Variants in BLZF1 observed in about 807,000 individuals in gnomAD.
BLZF1 encodes the protein golgin-45.
Under a neutral mutation model 43.8 loss-of-function variants are expected in BLZF1, and 39 were observed. The observed-to-expected ratio is 0.89, with a 90% CI of 0.69 to 1.16. BLZF1 has a LOEUF of 1.16. Ranked by LOEUF, BLZF1 falls within the 50% of genes most tolerant of loss-of-function variation. The pLI is 0.00. For synonymous variants in BLZF1, 136 were observed against 159.4 expected, an observed-to-expected ratio of 0.85 and a Z score of 1.11; for missense variants, 449 against 469.8, an observed-to-expected ratio of 0.96 and a Z score of 0.41.
chr1:169,368,215 A>T lies in BLZF1; in HGVS notation c.-178A>T, dbSNP rs1653969637. On this transcript the variant is annotated 5_prime_UTR_variant, in exon 1 of 7. Coordinates refer to ENST00000367808, the MANE Select transcript of BLZF1 (RefSeq NM_001320973.2). ...TGGTTAGGAGTGAGAGAGCTGCTGG[A>T]TATGCGGAGGGACTGGGCGGGTCGG... The T allele has an allele frequency of 5.7e-6, 1 of 174,292 alleles. No individual in the cohort carries two copies. Among genetic ancestry groups the T allele is most frequent in the South Asian group, 1.1e-4 (1 of 9,006 alleles). 10.8% of individuals were successfully genotyped at this position (174,292 alleles called of 1,614,324 possible).
chr1:169,383,315 T>C (rs1654578701), intron 6 of BLZF1, among the ~76,000 whole-genome samples: 2 of 152,292 alleles, frequency 1.3e-5, no homozygotes, highest in South Asian at 4.1e-4. Flanking sequence ...CTCCTAAGCA[T>C]ACCTCCCCTC....
chr1:169,395,000 C>A, intron 7 of BLZF1: 1 of 1,505,084 alleles, frequency 6.6e-7, no homozygotes, highest in Non-Finnish European at 9.0e-7. Context: ...GAAATCATAT[C>A]CAAAATTTTG....
At chr1:169,389,820 A>T (rs1382248043), downstream of BLZF1, among the ~76,000 whole-genome samples, 1 of 152,238 alleles carries the variant, frequency 6.6e-6, no homozygotes, top group Non-Finnish European at 1.5e-5. Flanking sequence ...TTAGAATATT[A>T]TACTAAGTGA....
intron 2 of BLZF1, among the ~76,000 whole-genome samples, chr1:169,370,952 A>T (rs936779521): frequency 1.3e-5 from 2 of 152,114 alleles, no homozygotes; most frequent in African/African-American, 4.8e-5. Flanking sequence ...TATTCTTTGG[A>T]TGGGTTGAGT....
At chr1:169,381,955 G>C in intron 5 of BLZF1, 107 bp from the exon 6 acceptor site, 1 of 873,038 alleles carries the variant, frequency 1.1e-6, no homozygotes, top group South Asian at 1.8e-5. Flanking sequence ...AGGGATCAGA[G>C]AAAGATGTTA....
chr1:169,388,210 AAAT>A lies in BLZF1; in HGVS notation c.*1038_*1040del, dbSNP rs960817879. 5 of 152,202 alleles carry A rather than the reference AAAT, an allele frequency of 3.3e-5. No homozygotes were observed. The highest frequency in any genetic ancestry group is 7.4e-5 in the Non-Finnish European group (5 of 68,026). The allele number at this position is 152,202 out of a possible 1,614,324, so 9.4% of individuals were successfully genotyped here. ...AAATCTTCAAAAGACAAACCTGGTC[AAAT>A]AATAATAATTTTAATGTCAATGATT... On this transcript the variant is annotated 3_prime_UTR_variant, in exon 7 of 7. Coordinates refer to ENST00000367808, the MANE Select transcript of BLZF1 (RefSeq NM_001320973.2).
At chr1:169,374,610 T>G (rs374014114) in intron 2 of BLZF1, among the ~76,000 whole-genome samples, 6 of 152,236 alleles carry the variant, frequency 3.9e-5, no homozygotes, top group African/African-American at 1.4e-4. Context: ...TCCTGTCTAA[T>G]TAACATAACT....
downstream of BLZF1, among the ~76,000 whole-genome samples, chr1:169,392,292 C>A (rs941784645): frequency 6.6e-6 from 1 of 152,114 alleles, no homozygotes; most frequent in Non-Finnish European, 1.5e-5. Flanking sequence ...CAAAACAATG[C>A]GGAAAAGGCC....
At chr1:169,369,667 ATCCCTTTATGTT>A in intron 2 of BLZF1, 117 bp downstream of exon 2, 1 of 700,784 alleles carries the variant, frequency 1.4e-6, no homozygotes, top group Non-Finnish European at 2.4e-6. Flanking sequence ...GTTATTTCAG[ATCCCTTTATGTT>A]TATTTTTTAG....
chr1:169,384,169 G>C (rs893094941), intron 6 of BLZF1, among the ~76,000 whole-genome samples: 9 of 151,890 alleles, frequency 5.9e-5, no homozygotes, highest in African/African-American at 1.9e-4. Context: ...GCTGTTTTCA[G>C]ATTTCGATAA....
intron 4 of BLZF1, 106 bp downstream of exon 4, chr1:169,378,635 G>A: frequency 9.9e-7 from 1 of 1,006,662 alleles, no homozygotes; most frequent in Non-Finnish European, 1.5e-6. Context: ...TCTGACTAAG[G>A]TCATCAGAGT....
At chr1:169,381,028 C>T (rs1307443744) in intron 5 of BLZF1, among the ~76,000 whole-genome samples, 1 of 151,954 alleles carries the variant, frequency 6.6e-6, no homozygotes, top group Non-Finnish European at 1.5e-5. Context: ...TGATGGTCTT[C>T]CTTAAAAGCC....
intron 3 of BLZF1, 21 bp from the exon 4 acceptor site, chr1:169,378,309 A>C (rs1301566292): frequency 1.2e-6 from 2 of 1,604,976 alleles, no homozygotes; most frequent in Non-Finnish European, 1.7e-6. Context: ...AGCTTGTTGT[A>C]TTGATTACGT....
chr1:169,385,436 A>G (rs551835275), intron 6 of BLZF1, among the ~76,000 whole-genome samples: 1 of 152,342 alleles, frequency 6.6e-6, no homozygotes, highest in East Asian at 1.9e-4. Context: ...GGCACCCTGC[A>G]TAAAATCCTT....
In BLZF1 at chr1:169,387,015, C is replaced by T; in HGVS notation, c.1036C>T (p.Pro346Ser). 6.2e-7 allele frequency: 1 copy of T among 1,607,558 alleles called. No individual in the cohort carries two copies. The highest frequency in any genetic ancestry group is 8.5e-7 in the Non-Finnish European group (1 of 1,177,408). The change falls in exon 7 of 7, where the codon CCA (proline) becomes TCA (serine). Residue 346 changes from proline to serine, a missense_variant. Transcript: ENST00000367808. ...TCCTTAGGTTCTAAGAATTTTAGAT[C>T]CAGTTACCTGCAAAGAGAGTTCACC... The part of the protein sequence containing the change: ...MAETVLRILD[P>S]VTCKESSPDN...
chr1:169,378,573 C>T, intron 4 of BLZF1, 44 bp downstream of exon 4: 2 of 1,583,768 alleles, frequency 1.3e-6, no homozygotes, highest in Non-Finnish European at 1.7e-6. Flanking sequence ...AGTTTTTGCT[C>T]CATCAGGTTT....
At chr1:169,395,995 A>G (rs1028730607) in exon 8 of BLZF1, 5 of 152,148 alleles carry the variant, frequency 3.3e-5, no homozygotes, top group African/African-American at 1.2e-4. Context: ...AAGCAAATAA[A>G]CTGTAAGTCA....
chr1:169,374,048 T>C (rs1409965537), intron 2 of BLZF1, among the ~76,000 whole-genome samples: 1 of 152,050 alleles, frequency 6.6e-6, no homozygotes, highest in Non-Finnish European at 1.5e-5. Flanking sequence ...TAGTTAAGTT[T>C]AGACAAACTT....
downstream of BLZF1, among the ~76,000 whole-genome samples, chr1:169,388,696 G>A (rs753808573): frequency 2.6e-4 from 40 of 152,136 alleles, no homozygotes; most frequent in Admixed American, 2.0e-4. Flanking sequence ...ATAAAAATTA[G>A]CAAAGGGGCT....
Sources: allele counts gnomAD v4.1 joint callset (sites outside exome capture counted in the v4.1 genomes callset), GRCh38; gene constraint gnomAD v4.1.1; transcripts MANE v1.5; gene names NCBI Gene and HGNC (gene_info 2026-07-23, HGNC 2026-07-21).